Variants in BHLHE22 observed in about 807,000 individuals in gnomAD.
BHLHE22 encodes the protein class E basic helix-loop-helix protein 22.
In BHLHE22, 8 loss-of-function variants were observed where a neutral mutation model predicts 17.6. The observed-to-expected ratio is 0.45, with a 90% CI of 0.27 to 0.82. The LOEUF (loss-of-function observed/expected upper bound fraction) is 0.82, where lower values mean the gene tolerates loss of function less well. Among genes scored for constraint, BHLHE22 ranks in the 40% least tolerant of loss-of-function variants. The pLI, the probability that BHLHE22 is intolerant of heterozygous loss-of-function variation, is 0.16. For synonymous variants in BHLHE22, 353 were observed against 282.7 expected (o/e 1.25, Z -2.49); for missense variants, 570 against 581.5 (o/e 0.98, Z 0.20).
At position 64,581,221 on chromosome 8, in the gene BHLHE22, G is replaced by T; in HGVS notation, c.431G>T (p.Gly144Val). The T allele has an allele frequency of 6.9e-7, 1 of 1,454,534 alleles. No individual in the cohort carries two copies. The highest frequency in any genetic ancestry group is 2.8e-5 in the East Asian group (1 of 36,118). 90.1% of individuals were successfully genotyped at this position (1,454,534 alleles called of 1,614,324 possible). ...GGCTCGGTGGCCGAGAGCAGCGGCGGCGAGCAGAGCCCCGACGACGACAGC... is the reference window on the plus strand; with the variant it reads ...GGCTCGGTGGCCGAGAGCAGCGGCGTCGAGCAGAGCCCCGACGACGACAGC... ...SRGSVAESSG[G>V]EQSPDDDSDG... Residue 144 changes from glycine (G) to valine (V), a missense_variant, in exon 1 of 1, where the codon GGC (glycine) becomes GTC (valine). Physicochemically the swap from Gly to Val is moderately radical, Grantham distance 109. Around this residue, in one of 3 missense-constraint regions of BHLHE22, gnomAD observed 427 missense variants for 376.2 expected, o/e 1.14. Coordinates refer to ENST00000321870, the MANE Select transcript of BHLHE22 (RefSeq NM_152414.5). This position sits in a 1 kb window ranked among gnomAD's most constrained non-coding sequence, Gnocchi z 6.4.
At position 64,580,477 on chromosome 8, in the gene BHLHE22, AGCGGCGGCG is replaced by A. The variant is rs578248465; in HGVS notation, c.-305_-297del. 2 of 155,780 alleles carry A rather than the reference AGCGGCGGCG, an allele frequency of 1.3e-5. No homozygotes were observed. Among genetic ancestry groups the A allele is most frequent in the African/African-American group, 4.8e-5 (2 of 41,328 alleles). 9.6% of individuals were successfully genotyped at this position (155,780 alleles called of 1,614,324 possible). On this transcript the variant is annotated 5_prime_UTR_variant, in exon 1 of 1. Coordinates refer to ENST00000321870, the MANE Select transcript of BHLHE22 (RefSeq NM_152414.5). ...AGAGGAGGCGCGGGGCTGGGCTCAG[AGCGGCGGCG>A]GCGGCGGCTCCACTCCCTCCGCGCC...
rs371051368 is a variant in BHLHE22, at chr8:64,581,824, C to T, written c.1034C>T (p.Ala345Val). 256 of 1,600,964 alleles carry T rather than the reference C, an allele frequency of 1.6e-4. No individual in the cohort carries two copies. The highest frequency in any genetic ancestry group is 8.2e-5 in the Non-Finnish European group (96 of 1,176,964). The change falls in exon 1 of 1, where the codon GCC becomes GTC. Residue 345 changes from alanine (A) to valine (V), a missense_variant. Physicochemically the swap from Ala to Val is moderately conservative, Grantham distance 64. This residue lies in a region of BHLHE22 where 111 missense variants were observed against 122.0 expected (regional missense o/e 0.91). Transcript: ENST00000321870. The surrounding 1 kb of genome is among the most constrained non-coding windows in gnomAD (Gnocchi z 6.4). ...GCGCTCGGCGCCTACGAGCAGGCAG[C>T]CGGCTACCCGTTCAGCGCCGGACTG... ...HPALGAYEQA[A>V]GYPFSAGLPP...
In BHLHE22 at chr8:64,583,301, T is replaced by G. The variant is rs2129629423; in HGVS notation, c.*1365T>G. 6.0e-6 allele frequency: 1 copy of G among 167,180 alleles called. No individual in the cohort carries two copies. The highest frequency in any genetic ancestry group is 2.4e-5 in the African/African-American group (1 of 41,578). The allele number at this position is 167,180 out of a possible 1,614,324, so 10.4% of individuals were successfully genotyped here. On this transcript the variant is annotated 3_prime_UTR_variant, in exon 1 of 1. Transcript: ENST00000321870. ...AATAAAATTTAAAAAGAAAGAAAAC[T>G]AAGGAAGAACAAGAAGCTATTTACC...
chr8:64,582,227 G>T lies in BHLHE22; in HGVS notation c.*291G>T, dbSNP rs1191864613. 1 of 473,828 alleles carries T rather than the reference G, an allele frequency of 2.1e-6. No individual in the cohort carries two copies. The highest frequency in any genetic ancestry group is 2.1e-5 in the African/African-American group (1 of 47,798). 29.4% of individuals were successfully genotyped at this position (473,828 alleles called of 1,614,324 possible). A position where few individuals can be genotyped will look rare whatever the true frequency, so the allele number is the denominator to read the frequency against. On this transcript the variant is annotated 3_prime_UTR_variant, in exon 1 of 1. Coordinates refer to ENST00000321870, the MANE Select transcript of BHLHE22 (RefSeq NM_152414.5). Reference sequence around the variant, plus strand: ...GGCAACTTTGGTGGCAGCCTAGACCGCGAGGAAGTGGAATCTTCCTTAAAG... The same window carrying T: ...GGCAACTTTGGTGGCAGCCTAGACCTCGAGGAAGTGGAATCTTCCTTAAAG...
In BHLHE22 at chr8:64,583,255, C is replaced by A. The variant is rs977522975; in HGVS notation, c.*1319C>A. On this transcript the variant is annotated 3_prime_UTR_variant, in exon 1 of 1. Coordinates refer to ENST00000321870, the MANE Select transcript of BHLHE22 (RefSeq NM_152414.5). ...GTTTGATTTGCCTATGGTGTGAAATCCTTTGTTATTTTTCTAAAAAAATAA... is the reference window on the plus strand; with the variant it reads ...GTTTGATTTGCCTATGGTGTGAAATACTTTGTTATTTTTCTAAAAAAATAA... 6.0e-6 allele frequency: 1 copy of A among 166,762 alleles called. No individual in the cohort carries two copies. The highest frequency in any genetic ancestry group is 1.5e-5 in the Non-Finnish European group (1 of 68,070). 10.3% of individuals were successfully genotyped at this position (166,762 alleles called of 1,614,324 possible).
Position 64,581,670 on chromosome 8 carries a change from C to T in BHLHE22, c.880C>T (p.Leu294Phe). 1 of 1,612,700 alleles carries T rather than the reference C, an allele frequency of 6.2e-7. No homozygotes were observed. Among genetic ancestry groups the T allele is most frequent in the Non-Finnish European group, 8.5e-7 (1 of 1,179,732 alleles). The change falls in exon 1 of 1, where the codon CTC becomes TTC. Residue 294 changes from leucine to phenylalanine, a missense_variant. By Grantham distance (22) the Leu-to-Phe change is conservative. Coordinates refer to ENST00000321870, the MANE Select transcript of BHLHE22 (RefSeq NM_152414.5). This position sits in a 1 kb window ranked among gnomAD's most constrained non-coding sequence, Gnocchi z 6.4. The part of the protein sequence containing the change: ...ATLLLAKNYI[L>F]MQAQALEEMR... ...GCTGCTGCTCGCCAAGAACTACATC[C>T]TCATGCAGGCGCAGGCCCTGGAGGA...
In BHLHE22 at chr8:64,581,001, G is replaced by A; in HGVS notation, c.211G>A (p.Glu71Lys). ...PLGCFEPADP[E>K]GAGLLLPPPG... is the part of the protein sequence containing the mutation. ...GGGCTGCTTCGAGCCGGCTGACCCC[G>A]AGGGGGCAGGGCTGCTGTTGCCGCC... The change falls in exon 1 of 1, where the codon GAG (glutamate) becomes AAG (lysine). Residue 71 changes from glutamate to lysine, a missense_variant. Transcript: ENST00000321870. This position sits in a 1 kb window ranked among gnomAD's most constrained non-coding sequence, Gnocchi z 6.4. The A allele has an allele frequency of 1.5e-6, 2 of 1,339,340 alleles. No homozygotes were observed. Among genetic ancestry groups the A allele is most frequent in the Non-Finnish European group, 1.9e-6 (2 of 1,051,914 alleles). The allele number at this position is 1,339,340 out of a possible 1,614,324, so 83.0% of individuals were successfully genotyped here. A position where few individuals can be genotyped will look rare whatever the true frequency, so the allele number is the denominator to read the frequency against.
rs1353659434 is a variant in BHLHE22, at chr8:64,581,452, G to GCGGCAA, written c.667_668insACGGCA (p.Gly222_Ser223insAsnGly). On this transcript the variant is annotated inframe_insertion, in exon 1 of 1. Transcript: ENST00000321870. This position sits in a 1 kb window ranked among gnomAD's most constrained non-coding sequence, Gnocchi z 6.4. Reference sequence around the variant, plus strand: ...AGTGGCGGCGGTGGCGGTAGCGGTAGCGGCAGCGGCGGCAGCAGCAGCAGC... The same window carrying GCGGCAA: ...AGTGGCGGCGGTGGCGGTAGCGGTAGCGGCAACGGCAGCGGCGGCAGCAGCAGCAGC... The GCGGCAA allele has an allele frequency of 2.0e-6, 3 of 1,537,378 alleles. No individual in the cohort carries two copies. The highest frequency in any genetic ancestry group is 2.6e-6 in the Non-Finnish European group (3 of 1,147,360).
chr8:64,580,850 C>T lies in BHLHE22; in HGVS notation c.60C>T (p.His20=). The T allele has an allele frequency of 6.7e-7, 1 of 1,501,432 alleles. No individual in the cohort carries two copies. The highest frequency in any genetic ancestry group is 1.3e-5 in the South Asian group (1 of 79,214). The allele number at this position is 1,501,432 out of a possible 1,614,324, so 93.0% of individuals were successfully genotyped here. The change falls in exon 1 of 1, where the codon CAC becomes CAT. Residue 20 remains histidine, a synonymous_variant. Transcript: ENST00000321870. ...AAAGEDDLFL[H]KSLSASTSKR... is the part of the protein sequence containing the mutation. ...CCGGCGAGGACGACCTCTTCCTGCACAAGAGCCTGAGCGCCTCCACCTCCA... is the reference window on the plus strand; with the variant it reads ...CCGGCGAGGACGACCTCTTCCTGCATAAGAGCCTGAGCGCCTCCACCTCCA...
Position 64,583,291 on chromosome 8 carries a change from G to T in BHLHE22, c.*1355G>T, listed in dbSNP as rs553926221. On this transcript the variant is annotated 3_prime_UTR_variant, in exon 1 of 1. Transcript: ENST00000321870. ...TTTCTAAAAAAATAAAATTTAAAAAGAAAGAAAACTAAGGAAGAACAAGAA... is the reference window on the plus strand; with the variant it reads ...TTTCTAAAAAAATAAAATTTAAAAATAAAGAAAACTAAGGAAGAACAAGAA... The T allele has an allele frequency of 1.1e-4, 18 of 167,108 alleles. No individual in the cohort carries two copies. The highest frequency in any genetic ancestry group is 4.3e-4 in the African/African-American group (18 of 41,564). 10.4% of individuals were successfully genotyped at this position (167,108 alleles called of 1,614,324 possible).
rs1804916094 is a variant in BHLHE22, at chr8:64,582,296, A to G, written c.*360A>G. 1 of 332,318 alleles carries G rather than the reference A, an allele frequency of 3.0e-6. No homozygotes were observed. The highest frequency in any genetic ancestry group is 5.1e-5 in the Admixed American group (1 of 19,742). The allele number at this position is 332,318 out of a possible 1,614,324, so 20.6% of individuals were successfully genotyped here. ...AGTAGTGCTTGGTTATTAAGCCTGG[A>G]GAGTGTTTGAATGGCAAAATACTAA... On this transcript the variant is annotated 3_prime_UTR_variant, in exon 1 of 1. Transcript: ENST00000321870.
In BHLHE22 at chr8:64,581,259, G is replaced by A; in HGVS notation, c.469G>A (p.Glu157Lys). 1.4e-6 allele frequency: 2 copies of A among 1,449,358 alleles called. No individual in the cohort carries two copies. Among genetic ancestry groups the A allele is most frequent in the Non-Finnish European group, 1.8e-6 (2 of 1,114,148 alleles). 89.8% of individuals were successfully genotyped at this position (1,449,358 alleles called of 1,614,324 possible). The change falls in exon 1 of 1, where the codon GAG becomes AAG. Residue 157 changes from glutamate (E) to lysine (K), a missense_variant. By Grantham distance (56) the Glu-to-Lys change is moderately conservative. This residue lies in a region of BHLHE22 where 427 missense variants were observed against 376.2 expected (regional missense o/e 1.14). Transcript: ENST00000321870. This position sits in a 1 kb window ranked among gnomAD's most constrained non-coding sequence, Gnocchi z 6.4. Reference sequence around the variant, plus strand: ...CGACGACGACAGCGACGGTCGCTGCGAGCTCGTGCTGCGGGCCGGAGTAGC... The same window carrying A: ...CGACGACGACAGCGACGGTCGCTGCAAGCTCGTGCTGCGGGCCGGAGTAGC... ...SPDDDSDGRCELVLRAGVADP... is the reference protein window; with the variant it reads ...SPDDDSDGRCKLVLRAGVADP...
Position 64,581,106 on chromosome 8 carries a change from G to C in BHLHE22, c.316G>C (p.Gly106Arg). ...GGVGVPGLLV[G>R]SAGVGGDPSL... ...GGTGGGTGTCCCCGGGCTGCTAGTA[G>C]GTTCAGCCGGCGTTGGGGGCGACCC... Residue 106 changes from glycine to arginine, a missense_variant, in exon 1 of 1, where the codon GGT becomes CGT. Coordinates refer to ENST00000321870, the MANE Select transcript of BHLHE22 (RefSeq NM_152414.5). The surrounding 1 kb of genome is among the most constrained non-coding windows in gnomAD (Gnocchi z 6.4). 1 of 1,356,866 alleles carries C rather than the reference G, an allele frequency of 7.4e-7. No homozygotes were observed. Among genetic ancestry groups the C allele is most frequent in the Non-Finnish European group, 9.4e-7 (1 of 1,063,272 alleles). The allele number at this position is 1,356,866 out of a possible 1,614,324, so 84.1% of individuals were successfully genotyped here.
Position 64,581,762 on chromosome 8 carries a change from G to A in BHLHE22, c.972G>A (p.Ser324=), listed in dbSNP as rs1804907510. 1.3e-6 allele frequency: 2 copies of A among 1,592,414 alleles called. No individual in the cohort carries two copies. The highest frequency in any genetic ancestry group is 1.1e-5 in the South Asian group (1 of 89,492). The change falls in exon 1 of 1, where the codon TCG becomes TCA. Residue 324 remains serine (S), a synonymous_variant. Transcript: ENST00000321870. This position sits in a 1 kb window ranked among gnomAD's most constrained non-coding sequence, Gnocchi z 6.4. The part of the protein sequence containing the change: ...QAISAASLPS[S]AAAAAAAAAL... ...TCTCGGCTGCCTCCCTGCCCAGCTCGGCGGCTGCAGCGGCAGCAGCTGCTG... is the reference window on the plus strand; with the variant it reads ...TCTCGGCTGCCTCCCTGCCCAGCTCAGCGGCTGCAGCGGCAGCAGCTGCTG...
At position 64,581,833 on chromosome 8, in the gene BHLHE22, C is replaced by G; in HGVS notation, c.1043C>G (p.Pro348Arg). ...LGAYEQAAGY[P>R]FSAGLPPAAS... The stretch of plus-strand genomic sequence containing the variant: ...GCCTACGAGCAGGCAGCCGGCTACC[C>G]GTTCAGCGCCGGACTGCCCCCGGCT... Residue 348 changes from proline to arginine, a missense_variant, in exon 1 of 1, where the codon CCG becomes CGG. Pro to Arg is a moderately radical substitution (Grantham distance 103, BLOSUM62 -2). Transcript: ENST00000321870. This position sits in a 1 kb window ranked among gnomAD's most constrained non-coding sequence, Gnocchi z 6.4. 1.9e-6 allele frequency: 3 copies of G among 1,604,616 alleles called. No homozygotes were observed. The highest frequency in any genetic ancestry group is 8.5e-7 in the Non-Finnish European group (1 of 1,178,310).
chr8:64,581,887 T>G lies in BHLHE22; in HGVS notation c.1097T>G (p.Phe366Cys). Residue 366 changes from phenylalanine to cysteine, a missense_variant, in exon 1 of 1, where the codon TTT (phenylalanine) becomes TGT (cysteine). Transcript: ENST00000321870. The surrounding 1 kb of genome is among the most constrained non-coding windows in gnomAD (Gnocchi z 6.4). Reference sequence around the variant, plus strand: ...TCCTGCCCGGAGAAGTGCGCCCTGTTTAACAGCGTCTCCTCCAGCCTCTGC... The same window carrying G: ...TCCTGCCCGGAGAAGTGCGCCCTGTGTAACAGCGTCTCCTCCAGCCTCTGC... ...AASCPEKCAL[F>C]NSVSSSLCKQ... The G allele has an allele frequency of 6.2e-7, 1 of 1,610,534 alleles. No homozygotes were observed. Among genetic ancestry groups the G allele is most frequent in the Non-Finnish European group, 8.5e-7 (1 of 1,179,642 alleles).
Position 64,582,344 on chromosome 8 carries a change from G to C in BHLHE22, c.*408G>C, listed in dbSNP as rs1703903037. On this transcript the variant is annotated 3_prime_UTR_variant, in exon 1 of 1. Transcript: ENST00000321870. Reference sequence around the variant, plus strand: ...TAATCCTACTAATAATTGTGGATTTGGCTAGTGCTGAGGGGGAGAGGAGGG... The same window carrying C: ...TAATCCTACTAATAATTGTGGATTTCGCTAGTGCTGAGGGGGAGAGGAGGG... 1 of 248,640 alleles carries C rather than the reference G, an allele frequency of 4.0e-6. No homozygotes were observed. The highest frequency in any genetic ancestry group is 8.2e-6 in the Non-Finnish European group (1 of 122,680). 15.4% of individuals were successfully genotyped at this position (248,640 alleles called of 1,614,324 possible). A position where few individuals can be genotyped will look rare whatever the true frequency, so the allele number is the denominator to read the frequency against.
chr8:64,580,896 C>G lies in BHLHE22; in HGVS notation c.106C>G (p.Arg36Gly). The stretch of plus-strand genomic sequence containing the variant: ...CTCCAAGCGCTTGGAAGCGGCTTTC[C>G]GCTCCACGCCCCCGGGCATGGACCT... ...STSKRLEAAF[R>G]STPPGMDLSL... Residue 36 changes from arginine to glycine, a missense_variant, in exon 1 of 1, where the codon CGC becomes GGC. Physicochemically the swap from Arg to Gly is moderately radical, Grantham distance 125. This residue lies in a region of BHLHE22 where 427 missense variants were observed against 376.2 expected (regional missense o/e 1.14). Coordinates refer to ENST00000321870, the MANE Select transcript of BHLHE22 (RefSeq NM_152414.5). 5 of 1,521,094 alleles carry G rather than the reference C, an allele frequency of 3.3e-6. No individual in the cohort carries two copies. The highest frequency in any genetic ancestry group is 4.4e-6 in the Non-Finnish European group (5 of 1,145,274). 94.2% of individuals were successfully genotyped at this position (1,521,094 alleles called of 1,614,324 possible). A position where few individuals can be genotyped will look rare whatever the true frequency, so the allele number is the denominator to read the frequency against.
rs754934332 is a variant in BHLHE22, at chr8:64,581,194, G to A, written c.404G>A (p.Arg135Gln). Reference protein sequence around the residue: ...LCLKYGESASRGSVAESSGGE... With the variant: ...LCLKYGESASQGSVAESSGGE... ...CTCAAGTACGGCGAAAGCGCGAGCC[G>A]GGGCTCGGTGGCCGAGAGCAGCGGC... The change falls in exon 1 of 1, where the codon CGG becomes CAG. Residue 135 changes from arginine (R) to glutamine (Q), a missense_variant. Physicochemically the swap from Arg to Gln is conservative, Grantham distance 43. Transcript: ENST00000321870. This position sits in a 1 kb window ranked among gnomAD's most constrained non-coding sequence, Gnocchi z 6.4. 82 of 1,437,332 alleles carry A rather than the reference G, an allele frequency of 5.7e-5. No homozygotes were observed. The highest frequency in any genetic ancestry group is 7.3e-5 in the Non-Finnish European group (81 of 1,107,058). 89.0% of individuals were successfully genotyped at this position (1,437,332 alleles called of 1,614,324 possible).
Sources: allele counts gnomAD v4.1 joint callset, GRCh38; gene constraint gnomAD v4.1.1; regional missense constraint gnomAD v4.1.1; non-coding constraint Gnocchi (gnomAD v3.1); transcripts MANE v1.5; gene names NCBI Gene and HGNC (gene_info 2026-07-23, HGNC 2026-07-21).